The following SND1 variants were observed in gnomAD, a reference collection of about 807,000 sequenced individuals.
SND1 encodes the protein staphylococcal nuclease domain-containing protein 1.
Under a neutral mutation model 121.7 loss-of-function variants are expected in SND1, and 38 were observed. The ratio of observed to expected loss-of-function variants is 0.31; its 90% CI spans 0.24 to 0.41. The LOEUF (loss-of-function observed/expected upper bound fraction) is 0.41. SND1 is among the 10% of genes least tolerant of loss of function. The pLI is 1.00. For missense variants in SND1, 868 were observed against 1,184.6 expected (o/e 0.73, Z 3.92); for synonymous variants, 401 against 447.4 (o/e 0.90, Z 1.31).
chr7:127,863,170 G>A (rs190607444), intron 12 of SND1, among the ~76,000 whole-genome samples: 3 of 152,220 alleles, frequency 2.0e-5, no homozygotes, highest in South Asian at 2.1e-4. Flanking sequence ...CTTACTGTGC[G>A]CCAGGCACTA....
At chr7:127,905,036 C>T (rs1209105375) in intron 14 of SND1, among the ~76,000 whole-genome samples, 2 of 152,108 alleles carry the variant, frequency 1.3e-5, no homozygotes, top group Non-Finnish European at 2.9e-5. Context: ...TTTTCTTTAC[C>T]TGAACTGTTT....
At chr7:128,090,968 CCT>C (rs1793769811) in intron 22 of SND1, among the ~76,000 whole-genome samples, 1 of 152,132 alleles carries the variant, frequency 6.6e-6, no homozygotes, top group African/African-American at 2.4e-5. Flanking sequence ...TGCCGCAGTC[CCT>C]GAGATAAACA....
At chr7:127,843,694 T>C (rs760651921) in intron 11 of SND1, among the ~76,000 whole-genome samples, 7 of 152,218 alleles carry the variant, frequency 4.6e-5, no homozygotes, top group Non-Finnish European at 7.4e-5. Flanking sequence ...AAAGCCACTG[T>C]TAATATCCAT....
intron 15 of SND1, among the ~76,000 whole-genome samples, chr7:127,986,400 G>C (rs1231139947): frequency 6.6e-6 from 1 of 152,158 alleles, no homozygotes; most frequent in African/African-American, 2.4e-5. Flanking sequence ...AACCAAAATG[G>C]TAAGATTTTG....
At chr7:127,689,921 T>C (rs1035689111) in intron 2 of SND1, among the ~76,000 whole-genome samples, 23 of 145,618 alleles carry the variant, frequency 1.6e-4, no homozygotes, top group African/African-American at 5.1e-4. Flanking sequence ...TGCTCTCATT[T>C]TGACTCCCCC....
At chr7:127,998,143 C>T in intron 16 of SND1, 1 of 377,996 alleles carries the variant, frequency 2.6e-6, no homozygotes, top group Non-Finnish European at 5.4e-6. Context: ...TCCTTGTGAC[C>T]TAATTCTAGA....
At chr7:128,073,226 C>T (rs1253082544) in intron 16 of SND1, among the ~76,000 whole-genome samples, 1 of 152,220 alleles carries the variant, frequency 6.6e-6, no homozygotes, top group Non-Finnish European at 1.5e-5. Context: ...TCCAGTGCCA[C>T]CTACAGAATC....
chr7:127,959,486 T>C (rs1218161906), intron 15 of SND1, among the ~76,000 whole-genome samples: 3 of 152,202 alleles, frequency 2.0e-5, no homozygotes, highest in East Asian at 1.9e-4. Context: ...TTCCTCTCTC[T>C]GACCTCATCT....
At chr7:127,701,467 C>A in intron 5 of SND1, 144 bp downstream of exon 5, 5 of 786,648 alleles carry the variant, frequency 6.4e-6, no homozygotes, top group South Asian at 2.2e-5. Flanking sequence ...TAAAACAGCA[C>A]CTTAGTATTT....
chr7:127,977,614 T>C (rs1035552923), intron 15 of SND1, among the ~76,000 whole-genome samples: 4 of 152,076 alleles, frequency 2.6e-5, no homozygotes, highest in South Asian at 2.1e-4. Context: ...TAGTATGGTA[T>C]AAAGAATAGT....
chr7:127,754,179 G>A (rs1028681217), intron 10 of SND1, among the ~76,000 whole-genome samples: 2 of 152,170 alleles, frequency 1.3e-5, no homozygotes, highest in Non-Finnish European at 2.9e-5. Context: ...TTCTCTGTTG[G>A]AATTGTATAG....
chr7:127,674,969 G>C (rs1795590748), intron 1 of SND1, among the ~76,000 whole-genome samples: 1 of 152,238 alleles, frequency 6.6e-6, no homozygotes, highest in Non-Finnish European at 1.5e-5. Context: ...GGGAGGCCAA[G>C]GCAGGCAGAT....
intron 12 of SND1, among the ~76,000 whole-genome samples, chr7:127,875,827 A>G (rs1360227483): frequency 6.6e-6 from 1 of 152,108 alleles, no homozygotes; most frequent in Admixed American, 6.6e-5. Flanking sequence ...AGATGTTTTC[A>G]GATTATAGGT....
intron 15 of SND1, among the ~76,000 whole-genome samples, chr7:127,958,966 A>G (rs1260911332): frequency 6.6e-6 from 1 of 152,160 alleles, no homozygotes; most frequent in Admixed American, 6.5e-5. Flanking sequence ...TGCTCTTATT[A>G]TGGTTCTAAG....
At chr7:128,056,263 A>G (rs1348668522) in intron 16 of SND1, among the ~76,000 whole-genome samples, 2 of 152,230 alleles carry the variant, frequency 1.3e-5, no homozygotes, top group Non-Finnish European at 2.9e-5. Flanking sequence ...TTTATGATCT[A>G]TCCCCTGCCA....
intron 11 of SND1, among the ~76,000 whole-genome samples, chr7:127,842,575 G>T (rs927785801): frequency 6.6e-6 from 1 of 152,150 alleles, no homozygotes; most frequent in African/African-American, 2.4e-5. Context: ...AAGTATGTTG[G>T]TGTTGGGCTT....
At chr7:127,782,274 G>A (rs981067687) in intron 10 of SND1, among the ~76,000 whole-genome samples, 2 of 152,190 alleles carry the variant, frequency 1.3e-5, no homozygotes, top group African/African-American at 4.8e-5. Flanking sequence ...GCAGAAAAGG[G>A]AAGTTAATTT....
At chr7:128,091,471 A>G (rs1001404379) in intron 22 of SND1, among the ~76,000 whole-genome samples, 2 of 151,918 alleles carry the variant, frequency 1.3e-5, no homozygotes, top group African/African-American at 4.8e-5. Context: ...TGGCCTCCCA[A>G]AGTGCAGCAA....
chr7:128,041,827 TC>T (rs1290161258), intron 16 of SND1, among the ~76,000 whole-genome samples: 1 of 152,168 alleles, frequency 6.6e-6, no homozygotes, highest in Non-Finnish European at 1.5e-5. Context: ...CCAACACCAC[TC>T]CAAGCCATGA....
Sources: gnomAD v4.1 joint callset for allele counts (sites outside exome capture counted in the v4.1 genomes callset) on GRCh38, gnomAD v4.1.1 for gene constraint, MANE v1.5 for transcripts, NCBI Gene and HGNC (gene_info 2026-07-23, HGNC 2026-07-21) for gene names.